Variants in ASIC2 observed in about 807,000 individuals in gnomAD.
ASIC2 encodes the protein acid-sensing ion channel 2.
ASIC2 carries 25 observed loss-of-function variants against 57.3 expected under a neutral mutation model. The observed-to-expected ratio is 0.44, with a 90% CI of 0.32 to 0.61. The LOEUF (loss-of-function observed/expected upper bound fraction) is 0.61. Ranked by LOEUF, ASIC2 falls within the 20% of genes least tolerant of loss-of-function variation. The pLI is 0.06. For synonymous variants in ASIC2, 319 were observed against 307.5 expected, an observed-to-expected ratio of 1.04 and a Z score of -0.39; for missense variants, 641 against 738.1, an observed-to-expected ratio of 0.87 and a Z score of 1.52.
intron 1 of ASIC2, among the ~76,000 whole-genome samples, chr17:34,108,495 T>C (rs1911147339): frequency 6.6e-6 from 1 of 152,200 alleles, no homozygotes; most frequent in African/African-American, 2.4e-5. Flanking sequence ...ACTTACCCTA[T>C]TACCCTATAA....
intron 1 of ASIC2, among the ~76,000 whole-genome samples, chr17:33,540,848 A>C (rs6505348): frequency 0.63 from 96,157 of 152,110 alleles, 31,309 homozygotes; most frequent in African/African-American, 0.8. Flanking sequence ...CATCAGCTGA[A>C]TGAAGAGCTG....
intron 1 of ASIC2, among the ~76,000 whole-genome samples, chr17:34,056,079 A>G (rs995158497): frequency 6.6e-6 from 1 of 152,086 alleles, no homozygotes; most frequent in Non-Finnish European, 1.5e-5. Context: ...AATACGGTCA[A>G]GAATATTTGC....
At chr17:33,907,111 G>A (rs1041359351) in intron 1 of ASIC2, among the ~76,000 whole-genome samples, 3 of 152,144 alleles carry the variant, frequency 2.0e-5, no homozygotes, top group African/African-American at 7.2e-5. Flanking sequence ...CAGGGAGTCA[G>A]GATCTCAACC....
chr17:34,148,102 C>T (rs1904365050), intron 1 of ASIC2, among the ~76,000 whole-genome samples: 2 of 152,190 alleles, frequency 1.3e-5, no homozygotes, highest in African/African-American at 4.8e-5. Flanking sequence ...AAGGAACCAA[C>T]ACCCCAGCCA....
chr17:33,386,480 G>A (rs1460189550), intron 1 of ASIC2, among the ~76,000 whole-genome samples: 1 of 152,164 alleles, frequency 6.6e-6, no homozygotes, highest in African/African-American at 2.4e-5. Flanking sequence ...CCTTACTGCT[G>A]TGATCCAATT....
chr17:34,123,551 T>C (rs1911688871), intron 1 of ASIC2, among the ~76,000 whole-genome samples: 1 of 152,182 alleles, frequency 6.6e-6, no homozygotes, highest in African/African-American at 2.4e-5. Context: ...TGAGTCACCA[T>C]GACAGTGACA....
rs546965497 is a variant in ASIC2, at chr17:33,356,273, T to A, written c.556-244206A>T. ...CTATTAAGGCTTCAGGACAACCCTATAAGGCATGGATCATCATTCCATTTT... is the reference window on the plus strand; with the variant it reads ...CTATTAAGGCTTCAGGACAACCCTAAAAGGCATGGATCATCATTCCATTTT... On this transcript the variant is annotated intron_variant, in intron 1 of 9. Transcript: ENST00000359872. 2.0e-5 allele frequency among the ~76,000 whole-genome samples: 3 copies of A among 152,228 alleles called. No homozygotes were observed. The South Asian group carries it at 6.2e-4, about 32-fold the overall frequency.
rs149096522 is a variant in ASIC2, at chr17:34,037,766, C to G, written c.555+118212G>C. On this transcript the variant is annotated intron_variant, in intron 1 of 9. Transcript: ENST00000359872. ...CTGGACATCAATGCGGTCCTCCTTTCGGTAGGCCAAGCATCGTCGAATCAA... is the reference window on the plus strand; with the variant it reads ...CTGGACATCAATGCGGTCCTCCTTTGGGTAGGCCAAGCATCGTCGAATCAA... 1.8e-3 allele frequency: 2,828 copies of G among 1,614,158 alleles called. 51 individuals carry two copies. In the African/African-American group the frequency reaches 0.032, roughly 18 times the overall value.
chr17:33,851,434 T>C (rs1329414149), intron 1 of ASIC2, among the ~76,000 whole-genome samples: 1 of 151,894 alleles, frequency 6.6e-6, no homozygotes. Flanking sequence ...TGTTGGGGAG[T>C]GTTCCAGAGT....
intron 1 of ASIC2, among the ~76,000 whole-genome samples, chr17:33,446,041 T>C (rs1405251539): frequency 2.6e-5 from 4 of 151,864 alleles, no homozygotes; most frequent in Admixed American, 6.6e-5. Flanking sequence ...ACCATTTCCA[T>C]AGGGACTTTT....
intron 1 of ASIC2, among the ~76,000 whole-genome samples, chr17:33,688,325 A>G (rs2142062062): frequency 6.6e-6 from 1 of 152,276 alleles, no homozygotes; most frequent in East Asian, 1.9e-4. Flanking sequence ...GTGTGTTAGG[A>G]TCAATTGCAA....
intron 1 of ASIC2, among the ~76,000 whole-genome samples, chr17:33,840,108 T>C (rs2141907361): frequency 6.6e-6 from 1 of 152,354 alleles, no homozygotes; most frequent in African/African-American, 2.4e-5. Context: ...TTGGTGTGGT[T>C]TTCCTGACTA....
rs59312185 is a variant in ASIC2, at chr17:33,464,540, C to CTTTCTCTT, written c.556-352474_556-352473insAAGAGAAA. On this transcript the variant is annotated intron_variant, in intron 1 of 9. Transcript: ENST00000359872. Reference sequence around the variant, plus strand: ...TCTTTCTTTCTTTCTTTCTTTCTTTCTCTTTCTTTCTTTCTTTCTTTCTTT... The same window carrying CTTTCTCTT: ...TCTTTCTTTCTTTCTTTCTTTCTTTCTTTCTCTTTCTTTCTTTCTTTCTTTCTTTCTTT... Among the ~76,000 whole-genome samples the CTTTCTCTT allele has an allele frequency of 4.2e-3, 206 of 49,298 alleles. 1 individual carries two copies. Among genetic ancestry groups the CTTTCTCTT allele is most frequent in the Non-Finnish European group, 5.6e-3 (141 of 25,040 alleles). 32.3% of individuals were successfully genotyped at this position (49,298 alleles called of 152,430 possible). A position where few individuals can be genotyped will look rare whatever the true frequency, so the allele number is the denominator to read the frequency against.
At chr17:33,448,315 G>GAA (rs1363614942) in intron 1 of ASIC2, among the ~76,000 whole-genome samples, 2 of 152,202 alleles carry the variant, frequency 1.3e-5, no homozygotes, top group Non-Finnish European at 2.9e-5. Context: ...CGGCTGTTTA[G>GAA]TGGGCTGAAT....
At chr17:34,118,602 T>C (rs1911499590) in intron 1 of ASIC2, 1 of 152,130 alleles carries the variant, frequency 6.6e-6, no homozygotes. Context: ...GATGGATTTG[T>C]GATTATTGTT....
intron 1 of ASIC2, among the ~76,000 whole-genome samples, chr17:33,880,722 T>C (rs919591579): frequency 1.3e-4 from 20 of 152,100 alleles, no homozygotes; most frequent in African/African-American, 3.9e-4. Flanking sequence ...ACTATTCTGA[T>C]CAATAGAAAA....
chr17:33,462,478 C>T (rs542996432), intron 1 of ASIC2, among the ~76,000 whole-genome samples: 5 of 152,282 alleles, frequency 3.3e-5, no homozygotes, highest in East Asian at 1.9e-4. Context: ...ATGAAAGAGA[C>T]GTAAGATACA....
chr17:34,061,651 A>G (rs1908974530), intron 1 of ASIC2, among the ~76,000 whole-genome samples: 1 of 152,208 alleles, frequency 6.6e-6, no homozygotes, highest in East Asian at 1.9e-4. Context: ...AAAAGGACTC[A>G]CATAAACTTA....
intron 1 of ASIC2, among the ~76,000 whole-genome samples, chr17:33,579,600 T>C (rs754430874): frequency 1.3e-5 from 2 of 152,162 alleles, no homozygotes; most frequent in Non-Finnish European, 2.9e-5. Context: ...AGATGGTGTG[T>C]CGGGAGTTTG....
Sources: gnomAD v4.1 joint callset for allele counts (sites outside exome capture counted in the v4.1 genomes callset) on GRCh38, gnomAD v4.1.1 for gene constraint, MANE v1.5 for transcripts, NCBI Gene and HGNC (gene_info 2026-07-23, HGNC 2026-07-21) for gene names.